GRM8: variants seen among roughly 807,000 people sequenced by gnomAD.
GRM8 encodes metabotropic glutamate receptor 8.
A neutral mutation model predicts 87.2 loss-of-function variants in GRM8; 47 were observed. That is an observed-to-expected ratio of 0.54 (90% CI 0.43 to 0.69). The LOEUF (loss-of-function observed/expected upper bound fraction) is 0.69. Ranked by LOEUF, GRM8 falls within the 30% of genes least tolerant of loss-of-function variation. The probability of loss-of-function intolerance (pLI) is 0.00; values close to 1 mark genes in which losing one functional copy is unlikely to be tolerated. For missense variants in GRM8, 1,019 were observed against 1,139.2 expected (o/e 0.89, Z 1.52); for synonymous variants, 396 against 404.5 (o/e 0.98, Z 0.25).
intron 3 of GRM8, among the ~76,000 whole-genome samples, chr7:126,922,565 G>T (rs1442515935): frequency 2.0e-5 from 3 of 152,190 alleles, no homozygotes; most frequent in African/African-American, 7.2e-5. Flanking sequence ...TTTCTGTGAA[G>T]TCCAGTAGCA....
At chr7:126,960,217 T>C (rs915688889) in intron 3 of GRM8, among the ~76,000 whole-genome samples, 1 of 152,152 alleles carries the variant, frequency 6.6e-6, no homozygotes, top group African/African-American at 2.4e-5. Context: ...TGCAAATATA[T>C]ATCATCTTTG....
At chr7:126,575,642 C>T (rs1288047050) in intron 8 of GRM8, among the ~76,000 whole-genome samples, 2 of 151,922 alleles carry the variant, frequency 1.3e-5, no homozygotes. Flanking sequence ...TTAACCAAAC[C>T]AACATAATTG....
At chr7:126,469,736 C>T (rs954994578) in intron 9 of GRM8, among the ~76,000 whole-genome samples, 7 of 152,164 alleles carry the variant, frequency 4.6e-5, no homozygotes, top group Non-Finnish European at 1.0e-4. Context: ...TCAATTAAAC[C>T]TCTTCCATTT....
At chr7:126,647,001 T>C (rs56695631) in intron 7 of GRM8, among the ~76,000 whole-genome samples, 46,808 of 152,048 alleles carry the variant, frequency 0.31, 8,077 homozygotes, top group East Asian at 0.43. Flanking sequence ...GGCAGCAATG[T>C]TGTCTTTCTC....
intron 9 of GRM8, among the ~76,000 whole-genome samples, chr7:126,488,889 C>T (rs1054671122): frequency 2.6e-5 from 4 of 151,088 alleles, no homozygotes; most frequent in Non-Finnish European, 3.0e-5. Flanking sequence ...CACATGTGCC[C>T]CTATTGTATT....
At chr7:127,022,600 T>C (rs1816386193) in intron 3 of GRM8, among the ~76,000 whole-genome samples, 1 of 151,854 alleles carries the variant, frequency 6.6e-6, no homozygotes, top group African/African-American at 2.4e-5. Context: ...ATAGGTTGGG[T>C]CCACAGTTTC....
intron 7 of GRM8, chr7:126,701,679 G>A (rs1459908996): frequency 2.0e-6 from 1 of 501,128 alleles, no homozygotes; most frequent in Non-Finnish European, 3.8e-6. Context: ...AAAATATTGT[G>A]AGAATTTTTT....
At chr7:126,788,420 A>AAAAAAAAAAACAAAACAAAAAAC in intron 6 of GRM8, among the ~76,000 whole-genome samples, 1 of 81,138 alleles carries the variant, frequency 1.2e-5, no homozygotes, top group African/African-American at 4.6e-5. Flanking sequence ...AAAAAAAAAA[A>AAAAAAAAAAACAAAACAAAAAAC]AAACCCTTTC....
intron 8 of GRM8, among the ~76,000 whole-genome samples, chr7:126,603,601 T>C (rs960833387): frequency 6.6e-6 from 1 of 151,958 alleles, no homozygotes; most frequent in Admixed American, 6.6e-5. Flanking sequence ...AACAGACAAA[T>C]AGAGTGGCAT....
chr7:126,449,760 C>T (rs1802412600), intron 9 of GRM8, among the ~76,000 whole-genome samples: 2 of 151,868 alleles, frequency 1.3e-5, no homozygotes, highest in Non-Finnish European at 2.9e-5. Flanking sequence ...TTAACTCCCA[C>T]TAACCCACAA....
chr7:126,481,659 G>A (rs545505255), intron 9 of GRM8, among the ~76,000 whole-genome samples: 2 of 152,110 alleles, frequency 1.3e-5, no homozygotes, highest in East Asian at 3.9e-4. Flanking sequence ...AAGAAAGCCT[G>A]AGGAACTGTC....
intron 3 of GRM8, among the ~76,000 whole-genome samples, chr7:127,055,386 A>C (rs1819881513): frequency 6.6e-6 from 1 of 152,164 alleles, no homozygotes; most frequent in South Asian, 2.1e-4. Context: ...ATAAAGAAAT[A>C]TATGGTATGG....
At chr7:126,907,106 G>A (rs867150416) in intron 3 of GRM8, among the ~76,000 whole-genome samples, 2 of 151,976 alleles carry the variant, frequency 1.3e-5, no homozygotes. Context: ...GCAGGAGAAG[G>A]AGGAGGAGAA....
intron 3 of GRM8, among the ~76,000 whole-genome samples, chr7:126,973,212 C>T (rs916093104): frequency 1.3e-5 from 2 of 152,154 alleles, no homozygotes; most frequent in South Asian, 2.1e-4. Context: ...TGCAGTAGGG[C>T]CCCAAAATTT....
intron 7 of GRM8, among the ~76,000 whole-genome samples, chr7:126,737,722 A>G (rs1436745082): frequency 2.0e-5 from 3 of 152,056 alleles, no homozygotes; most frequent in African/African-American, 7.2e-5. Context: ...GCAAACATCT[A>G]TTGAACACCT....
chr7:126,529,567 C>CT (rs1482040102), intron 9 of GRM8, among the ~76,000 whole-genome samples: 5 of 152,084 alleles, frequency 3.3e-5, no homozygotes, highest in East Asian at 3.9e-4. Context: ...CTTTTCTTTT[C>CT]TTTTTTTGCC....
chr7:127,233,621 A>G (rs1042506902), intron 2 of GRM8, among the ~76,000 whole-genome samples: 2 of 152,222 alleles, frequency 1.3e-5, no homozygotes, highest in Non-Finnish European at 2.9e-5. Flanking sequence ...AAGAAGCCTC[A>G]GTGGCACTGC....
At chr7:127,141,989 G>T (rs772231378) in intron 2 of GRM8, among the ~76,000 whole-genome samples, 48 of 150,618 alleles carry the variant, frequency 3.2e-4, no homozygotes, top group Admixed American at 4.6e-4. Flanking sequence ...TTTTGTTTTT[G>T]TTTTTTTTTA....
intron 7 of GRM8, among the ~76,000 whole-genome samples, chr7:126,644,831 A>T (rs895254666): frequency 4.6e-5 from 7 of 152,238 alleles, no homozygotes; most frequent in Admixed American, 6.5e-5. Flanking sequence ...CCATTTTCCC[A>T]AAAGGAAGAA....
Sources: gnomAD v4.1 joint callset for allele counts (sites outside exome capture counted in the v4.1 genomes callset) on GRCh38, gnomAD v4.1.1 for gene constraint, MANE v1.5 for transcripts, NCBI Gene and HGNC (gene_info 2026-07-23, HGNC 2026-07-21) for gene names.